Variants in DTWD2 observed in about 807,000 individuals in gnomAD.
The protein encoded by DTWD2 is tRNA-uridine aminocarboxypropyltransferase 2.
DTWD2 carries 39 observed loss-of-function variants against 31.8 expected under a neutral mutation model. That is an observed-to-expected ratio of 1.22 (90% CI 0.95 to 1.60). The LOEUF (loss-of-function observed/expected upper bound fraction) is 1.60. Ranked by LOEUF, DTWD2 falls within the 40% of genes most tolerant of loss-of-function variation. DTWD2 has a pLI of 0.00. For missense variants in DTWD2, 515 were observed against 381.5 expected (o/e 1.35, Z -2.92); for synonymous variants, 180 against 142.8 (o/e 1.26, Z -1.86).
chr5:118,843,331 G>A lies in DTWD2; in HGVS notation c.727-2244C>T, dbSNP rs951671767. ...AAAGGGAAGGGAAAAGGAAGGAAGC[G>A]AGGGAGGGAGGGAGGCAGGGAGGGA... On this transcript the variant is annotated intron_variant, in intron 5 of 5. Transcript: ENST00000510708. Among the ~76,000 whole-genome samples the A allele has an allele frequency of 1.0e-3, 145 of 141,202 alleles. 1 individual carries two copies. Among genetic ancestry groups the A allele is most frequent in the African/African-American group, 4.3e-3 (139 of 32,402 alleles). The allele number at this position is 141,202 out of a possible 152,430, so 92.6% of individuals were successfully genotyped here.
intron 4 of DTWD2, among the ~76,000 whole-genome samples, chr5:118,869,878 G>C (rs1006707052): frequency 6.6e-6 from 1 of 152,168 alleles, no homozygotes; most frequent in Non-Finnish European, 1.5e-5. Flanking sequence ...GGCCTTGTAA[G>C]AGGTGTTGGA....
chr5:118,857,907 T>C (rs939026891), intron 4 of DTWD2, among the ~76,000 whole-genome samples: 1 of 152,188 alleles, frequency 6.6e-6, no homozygotes, highest in African/African-American at 2.4e-5. Context: ...TCCTCTTACA[T>C]ATCTGCCATC....
chr5:118,855,176 A>T lies in DTWD2; in HGVS notation c.598-6958T>A, dbSNP rs112059642. Among the ~76,000 whole-genome samples, 1,021 of 149,696 alleles carry T rather than the reference A, an allele frequency of 6.8e-3. 13 individuals are homozygous for T. Among genetic ancestry groups the T allele is most frequent in the African/African-American group, 0.024 (966 of 40,952 alleles). On this transcript the variant is annotated intron_variant, in intron 4 of 5. Coordinates refer to ENST00000510708, the MANE Select transcript of DTWD2 (RefSeq NM_173666.4). Reference sequence around the variant, plus strand: ...AGCAAAACTCTGTCTCAAAAAAAAAAAATAATCATCATCATTTTCGGACCT... The same window carrying T: ...AGCAAAACTCTGTCTCAAAAAAAAATAATAATCATCATCATTTTCGGACCT...
chr5:118,865,585 C>G (rs1752363913), intron 4 of DTWD2, among the ~76,000 whole-genome samples: 1 of 152,180 alleles, frequency 6.6e-6, no homozygotes, highest in Non-Finnish European at 1.5e-5. Context: ...TGTTTAAAAA[C>G]TGTCTAAATA....
At chr5:118,976,019 A>T (rs148615807) in intron 1 of DTWD2, among the ~76,000 whole-genome samples, 251 of 152,330 alleles carry the variant, frequency 1.6e-3, no homozygotes, top group Non-Finnish European at 2.9e-3. Flanking sequence ...TCAAATTAGA[A>T]CTCAGAATTA....
At position 118,848,165 on chromosome 5, in the gene DTWD2, AG is replaced by A. The variant is rs937901447; in HGVS notation, c.650del (p.Thr217IlefsTer54). The A allele has an allele frequency of 6.2e-7, 1 of 1,607,382 alleles. No individual in the cohort carries two copies. Among genetic ancestry groups the A allele is most frequent in the African/African-American group, 1.3e-5 (1 of 74,632 alleles). ...ACTCCAGTGTAGAAAGGCATCTATT[AG>A]TCGGCTGCATCCGAATTACATACTG... is the stretch of plus-strand genomic sequence containing the variant. ...SSQYVIRMQP[T>X]NRCLSTLECA... On this transcript the variant is annotated frameshift_variant, in exon 5 of 6. Transcript: ENST00000510708. LOFTEE classifies it high-confidence loss of function.
intron 1 of DTWD2, among the ~76,000 whole-genome samples, chr5:118,953,079 C>A (rs866436118): frequency 2.0e-5 from 3 of 152,240 alleles, no homozygotes; most frequent in African/African-American, 4.8e-5. Context: ...ATCAGAATCA[C>A]CTAGAGGACT....
intron 1 of DTWD2, among the ~76,000 whole-genome samples, chr5:118,950,849 G>A (rs1013164304): frequency 1.4e-4 from 22 of 152,302 alleles, no homozygotes; most frequent in African/African-American, 5.3e-4. Flanking sequence ...CACCTTGAAG[G>A]CAAGGTTAAT....
At chr5:118,973,793 A>G (rs1755057214) in intron 1 of DTWD2, 2 of 1,611,666 alleles carry the variant, frequency 1.2e-6, no homozygotes, top group African/African-American at 1.3e-5. Flanking sequence ...GGCGTGCCCC[A>G]CCATGTCAGA....
chr5:118,862,475 T>C (rs929572662), intron 4 of DTWD2, among the ~76,000 whole-genome samples: 1 of 152,156 alleles, frequency 6.6e-6, no homozygotes, highest in Admixed American at 6.5e-5. Context: ...GCAGCTTTGG[T>C]TACTTTATTG....
At chr5:118,948,605 A>G (rs1205144426) in intron 1 of DTWD2, among the ~76,000 whole-genome samples, 1 of 152,202 alleles carries the variant, frequency 6.6e-6, no homozygotes, top group African/African-American at 2.4e-5. Context: ...GTGTGGTATC[A>G]GGAATAATGT....
chr5:118,881,704 A>G (rs1252446833), intron 4 of DTWD2, among the ~76,000 whole-genome samples: 3 of 152,160 alleles, frequency 2.0e-5, no homozygotes, highest in Non-Finnish European at 4.4e-5. Context: ...CTCTTACACA[A>G]CAGCAGGAGA....
intron 1 of DTWD2, among the ~76,000 whole-genome samples, chr5:118,962,935 T>C (rs78695660): frequency 0.02 from 3,036 of 152,310 alleles, 103 homozygotes; most frequent in African/African-American, 0.07. Flanking sequence ...AAGCAGTTAA[T>C]GTTCAATGAA....
At chr5:118,876,575 C>T (rs1023637001) in intron 4 of DTWD2, among the ~76,000 whole-genome samples, 9 of 152,126 alleles carry the variant, frequency 5.9e-5, no homozygotes, top group African/African-American at 2.2e-4. Flanking sequence ...CACAGAAGTA[C>T]AAACAACTAT....
intron 1 of DTWD2, among the ~76,000 whole-genome samples, chr5:118,966,608 G>A (rs1754855595): frequency 6.6e-6 from 1 of 152,138 alleles, no homozygotes; most frequent in African/African-American, 2.4e-5. Context: ...ATAAGGCAAA[G>A]TAAACTATAG....
intron 4 of DTWD2, among the ~76,000 whole-genome samples, chr5:118,885,359 G>A (rs1049750833): frequency 2.7e-5 from 4 of 146,702 alleles, no homozygotes; most frequent in African/African-American, 7.7e-5. Context: ...GGCTGTGGCG[G>A]AAGAATCGCT....
chr5:118,924,853 T>C (rs540084200), intron 4 of DTWD2, among the ~76,000 whole-genome samples: 16 of 152,330 alleles, frequency 1.1e-4, no homozygotes, highest in African/African-American at 3.8e-4. Flanking sequence ...AGTTATTTAA[T>C]GTCTCTGTAC....
intron 4 of DTWD2, among the ~76,000 whole-genome samples, chr5:118,908,890 C>T (rs1753396286): frequency 6.6e-6 from 1 of 152,038 alleles, no homozygotes; most frequent in Admixed American, 6.5e-5. Context: ...AACTATTATC[C>T]ACAAACGAAA....
chr5:118,907,275 C>A (rs773947860), intron 4 of DTWD2, among the ~76,000 whole-genome samples: 1 of 152,190 alleles, frequency 6.6e-6, no homozygotes, highest in African/African-American at 2.4e-5. Context: ...TTTTGTTCAA[C>A]ATTTCAAGTG....
Sources: allele counts gnomAD v4.1 joint callset (sites outside exome capture counted in the v4.1 genomes callset), GRCh38; gene constraint gnomAD v4.1.1; transcripts MANE v1.5; gene names NCBI Gene and HGNC (gene_info 2026-07-23, HGNC 2026-07-21).